SHMT1: variants seen among roughly 807,000 people sequenced by gnomAD.
SHMT1 encodes serine hydroxymethyltransferase 1, also known as serine hydroxymethyltransferase, cytosolic.
Under a neutral mutation model 49.0 loss-of-function variants are expected in SHMT1, and 45 were observed. That is an observed-to-expected ratio of 0.92 (90% confidence interval 0.72 to 1.18). The LOEUF (loss-of-function observed/expected upper bound fraction) is 1.18, where lower values mean the gene tolerates loss of function less well. Ranked by LOEUF, SHMT1 falls within the 50% of genes most tolerant of loss-of-function variation. SHMT1 has a pLI of 0.00. For synonymous variants in SHMT1, 232 were observed against 246.6 expected (o/e 0.94, Z 0.55); for missense variants, 541 against 612.4 (o/e 0.88, Z 1.23).
intron 2 of SHMT1, 91 bp from the exon 3 acceptor site, chr17:18,353,908 C>A: frequency 9.3e-7 from 1 of 1,078,828 alleles, no homozygotes. Context: ...AGAGAAAAGA[C>A]ACTCTTTCAC....
rs1468024083 is a variant in SHMT1, at chr17:18,328,290, C to G, written c.*460G>C. On this transcript the variant is annotated 3_prime_UTR_variant, in exon 12 of 12. Transcript: ENST00000316694. ...ACAGCAGAAGCCTCAGAAGCTAATT[C>G]AGTTCTCCTTTGGCATGCCACTGGA... The G allele has an allele frequency of 5.0e-6, 1 of 199,112 alleles. No individual in the cohort carries two copies. Among genetic ancestry groups the G allele is most frequent in the Non-Finnish European group, 1.1e-5 (1 of 94,840 alleles). 12.3% of individuals were successfully genotyped at this position (199,112 alleles called of 1,614,324 possible).
At position 18,327,893 on chromosome 17, in the gene SHMT1, T is replaced by A. The variant is rs1734115871; in HGVS notation, c.*857A>T. 1.3e-5 allele frequency: 2 copies of A among 152,600 alleles called. No individual in the cohort carries two copies. The highest frequency in any genetic ancestry group is 4.1e-4 in the South Asian group (2 of 4,830). The allele number at this position is 152,600 out of a possible 1,614,324, so 9.5% of individuals were successfully genotyped here. A position where few individuals can be genotyped will look rare whatever the true frequency, so the allele number is the denominator to read the frequency against. On this transcript the variant is annotated 3_prime_UTR_variant, in exon 12 of 12. Transcript: ENST00000316694. ...AAGTGTACTTTTTAAGAAATTAATT[T>A]ATTTGAGTTCAAATATTTTTGAAAT...
In SHMT1 at chr17:18,328,125, C is replaced by T. The variant is rs1360355861; in HGVS notation, c.*625G>A. The T allele has an allele frequency of 6.6e-6, 1 of 152,644 alleles. No homozygotes were observed. Among genetic ancestry groups the T allele is most frequent in the Admixed American group, 6.5e-5 (1 of 15,302 alleles). The allele number at this position is 152,644 out of a possible 1,614,324, so 9.5% of individuals were successfully genotyped here. On this transcript the variant is annotated 3_prime_UTR_variant, in exon 12 of 12. Coordinates refer to ENST00000316694, the MANE Select transcript of SHMT1 (RefSeq NM_004169.5). ...GGAGCAGGAAAGCCTGGTTGATTCTCACACCAGGATGGGACTGGGACTTCC... is the reference window on the plus strand; with the variant it reads ...GGAGCAGGAAAGCCTGGTTGATTCTTACACCAGGATGGGACTGGGACTTCC...
chr17:18,338,688 A>AGGAG (rs1984128146), intron 7 of SHMT1, among the ~76,000 whole-genome samples: 1 of 152,230 alleles, frequency 6.6e-6, no homozygotes, highest in Non-Finnish European at 1.5e-5. Context: ...AAGTAGACAT[A>AGGAG]GGAGATTCCA....
Position 18,327,883 on chromosome 17 carries a change from GAAATT to G in SHMT1, c.*862_*866del, listed in dbSNP as rs1982736621. ...ATAGTATGAGAAGTGTACTTTTTAA[GAAATT>G]AATTTATTTGAGTTCAAATATTTTT... On this transcript the variant is annotated 3_prime_UTR_variant, in exon 12 of 12. Coordinates refer to ENST00000316694, the MANE Select transcript of SHMT1 (RefSeq NM_004169.5). 6.6e-6 allele frequency: 1 copy of G among 152,520 alleles called. No homozygotes were observed. Among genetic ancestry groups the G allele is most frequent in the Non-Finnish European group, 1.5e-5 (1 of 68,028 alleles). The allele number at this position is 152,520 out of a possible 1,614,324, so 9.4% of individuals were successfully genotyped here. A position where few individuals can be genotyped will look rare whatever the true frequency, so the allele number is the denominator to read the frequency against.
At chr17:18,362,074 C>CT (rs746859796) in intron 1 of SHMT1, among the ~76,000 whole-genome samples, 11 of 152,208 alleles carry the variant, frequency 7.2e-5, no homozygotes, top group Non-Finnish European at 1.5e-4. Context: ...AGGGAACTAA[C>CT]TTGTTGCACA....
At chr17:18,352,234 C>T (rs1225501247) in intron 3 of SHMT1, among the ~76,000 whole-genome samples, 2 of 149,966 alleles carry the variant, frequency 1.3e-5, no homozygotes, top group Non-Finnish European at 1.5e-5. Flanking sequence ...CAAGCTCTGC[C>T]CCCTGGGGTT....
chr17:18,329,207 C>T (rs1363714141), intron 11 of SHMT1, 71 bp downstream of exon 11: 2 of 1,147,734 alleles, frequency 1.7e-6, no homozygotes, highest in Non-Finnish European at 2.6e-6. Flanking sequence ...GGCAGGGTCT[C>T]AGCTACTCAT....
chr17:18,362,775 C>A (rs1986892475), intron 1 of SHMT1, among the ~76,000 whole-genome samples: 1 of 152,192 alleles, frequency 6.6e-6, no homozygotes, highest in African/African-American at 2.4e-5. Context: ...GGGCCAAGAA[C>A]TTCACAGTGC....
In SHMT1 at chr17:18,330,619, A is replaced by T. The variant is rs1199410288; in HGVS notation, c.1107T>A (p.Asp369Glu). 6.2e-7 allele frequency: 1 copy of T among 1,614,174 alleles called. No individual in the cohort carries two copies. Residue 369 changes from aspartate to glutamate, a missense_variant, in exon 10 of 12, where the codon GAT (aspartate) becomes GAA (glutamate). By Grantham distance (45) the Asp-to-Glu change is conservative (BLOSUM62 2). Coordinates refer to ENST00000316694, the MANE Select transcript of SHMT1 (RefSeq NM_004169.5). ...CTAGCACCTTCTCAGCCCTTCCACCATCTGTGCCTTTGGAACGGAGATCCA... is the reference window on the plus strand; with the variant it reads ...CTAGCACCTTCTCAGCCCTTCCACCTTCTGTGCCTTTGGAACGGAGATCCA... ...ILVDLRSKGT[D>E]GGRAEKVLEA...
At chr17:18,346,646 G>A (rs140455361) in intron 5 of SHMT1, among the ~76,000 whole-genome samples, 28 of 152,212 alleles carry the variant, frequency 1.8e-4, no homozygotes, top group African/African-American at 6.5e-4. Flanking sequence ...ATTCCAATAA[G>A]CTCATCATTA....
chr17:18,356,946 T>G (rs1422003157), intron 1 of SHMT1, among the ~76,000 whole-genome samples: 1 of 152,002 alleles, frequency 6.6e-6, no homozygotes, highest in Non-Finnish European at 1.5e-5. Context: ...GAGTGCTACT[T>G]TTTAAAAAAT....
chr17:18,329,365 T>C lies in SHMT1; in HGVS notation c.1195A>G (p.Ser399Gly). ...CPGDRSALRP[S>G]GLRLGTPALT... ...GCTGGGGTCCCCAGCCGCAGTCCAC[T>C]GGGCCGCAGAGCGCTTCTGTCACCT... Residue 399 changes from serine to glycine, a missense_variant, in exon 11 of 12, where the codon AGT becomes GGT. Physicochemically the swap from Ser to Gly is moderately conservative, Grantham distance 56. Transcript: ENST00000316694. 1 of 1,612,860 alleles carries C rather than the reference T, an allele frequency of 6.2e-7. No individual in the cohort carries two copies. The highest frequency in any genetic ancestry group is 8.5e-7 in the Non-Finnish European group (1 of 1,179,974).
chr17:18,361,002 T>C (rs1434402378), intron 1 of SHMT1, among the ~76,000 whole-genome samples: 1 of 152,020 alleles, frequency 6.6e-6, no homozygotes, highest in Non-Finnish European at 1.5e-5. Context: ...AAACCCCATC[T>C]CTACTAAAAA....
rs1244355569 is a variant in SHMT1, at chr17:18,340,103, TCAC to T, written c.751_753del (p.Val251del). On this transcript the variant is annotated inframe_deletion, in exon 7 of 12. Transcript: ENST00000316694. This position sits in a 1 kb window ranked among gnomAD's most constrained non-coding sequence, Gnocchi z 4.5. ...CGCAGGGTCTTGTGAGTGGTGGTGG[TCAC>T]CACATGGCAGTGTTCAAATGGGGAG... 1.9e-6 allele frequency: 3 copies of T among 1,614,126 alleles called. No homozygotes were observed. Among genetic ancestry groups the T allele is most frequent in the Non-Finnish European group, 2.5e-6 (3 of 1,180,032 alleles).
At chr17:18,355,266 A>G (rs1986126079) in intron 2 of SHMT1, among the ~76,000 whole-genome samples, 1 of 149,798 alleles carries the variant, frequency 6.7e-6, no homozygotes, top group East Asian at 2.0e-4. Flanking sequence ...GCTACTCAGG[A>G]GGCTGAGGCA....
chr17:18,349,098 T>C lies in SHMT1; in HGVS notation c.243-658A>G, dbSNP rs138462833. ...CAGTCACCACAAGACAAGCACTGTATGATTCAACTTTTATGAGGTCCCTAA... is the reference window on the plus strand; with the variant it reads ...CAGTCACCACAAGACAAGCACTGTACGATTCAACTTTTATGAGGTCCCTAA... On this transcript the variant is annotated intron_variant, in intron 3 of 11. Transcript: ENST00000316694. Among the ~76,000 whole-genome samples, 112 of 152,162 alleles carry C rather than the reference T, an allele frequency of 7.4e-4. 1 individual carries two copies. The East Asian group carries it at 0.017, about 24-fold the overall frequency.
At chr17:18,341,055 G>A in intron 5 of SHMT1, 2 of 555,364 alleles carry the variant, frequency 3.6e-6, no homozygotes, top group South Asian at 4.1e-5. Context: ...GGCACTACCT[G>A]CTGAGAAGGA....
intron 2 of SHMT1, 131 bp from the exon 3 acceptor site, chr17:18,353,948 G>A (rs1457865054): frequency 4.7e-6 from 4 of 847,210 alleles, no homozygotes; most frequent in Non-Finnish European, 3.9e-6. Context: ...CCTCCTCAAA[G>A]GTTTTAGTAT....
Sources: allele counts gnomAD v4.1 joint callset (sites outside exome capture counted in the v4.1 genomes callset), GRCh38; gene constraint gnomAD v4.1.1; non-coding constraint Gnocchi (gnomAD v3.1); transcripts MANE v1.5; gene names NCBI Gene and HGNC (gene_info 2026-07-23, HGNC 2026-07-21).